TASP1: variants seen among roughly 807,000 people sequenced by gnomAD.
TASP1 encodes the protein taspase 1.
Under a neutral mutation model 56.6 loss-of-function variants are expected in TASP1, and 16 were observed. That is an observed-to-expected ratio of 0.28 (90% CI 0.19 to 0.43). The LOEUF is 0.43. Among genes scored for constraint, TASP1 ranks in the 20% least tolerant of loss-of-function variants. The probability of loss-of-function intolerance (pLI) is 1.00; values close to 1 mark genes in which losing one functional copy is unlikely to be tolerated. For missense variants in TASP1, 393 were observed against 511.6 expected (o/e 0.77, Z 2.24); for synonymous variants, 179 against 184.2 (o/e 0.97, Z 0.23).
the TASP1 span, among the ~76,000 whole-genome samples, chr20:13,169,944 A>C: frequency 1.3e-5 from 2 of 152,220 alleles, no homozygotes; most frequent in African/African-American, 2.4e-5. Flanking sequence ...CCTCATTAAA[A>C]GATAAGTCTT....
chr20:13,514,014 G>A lies in TASP1; in HGVS notation c.874+14419C>T, dbSNP rs1053865496. Among the ~76,000 whole-genome samples the A allele has an allele frequency of 3.0e-4, 45 of 152,202 alleles. 1 individual carries two copies. Among genetic ancestry groups the A allele is most frequent in the African/African-American group, 1.1e-3 (45 of 41,554 alleles). On this transcript the variant is annotated intron_variant, in intron 10 of 13. Coordinates refer to ENST00000337743, the MANE Select transcript of TASP1 (RefSeq NM_017714.3). ...TTGCATGAGAAGGAAAGCATAACAG[G>A]TAGAGCAGAGGCAAATCTAAATTTT...
At chr20:13,202,090 G>A in the TASP1 span, among the ~76,000 whole-genome samples, 2,769 of 152,150 alleles carry the variant, frequency 0.018, 77 homozygotes, top group African/African-American at 0.062. Flanking sequence ...CCCTCCATAC[G>A]CACTACCCAT....
At chr20:13,225,797 G>A in the TASP1 span, among the ~76,000 whole-genome samples, 1 of 152,024 alleles carries the variant, frequency 6.6e-6, no homozygotes, top group Non-Finnish European at 1.5e-5. Context: ...ATTAGAATAA[G>A]TTTGTCTCAT....
intron 10 of TASP1, among the ~76,000 whole-genome samples, chr20:13,505,350 T>C (rs2044092013): frequency 6.6e-6 from 1 of 152,140 alleles, no homozygotes; most frequent in African/African-American, 2.4e-5. Context: ...AATGGATAGA[T>C]TATGCAAATA....
chr20:13,208,867 T>A, the TASP1 span, among the ~76,000 whole-genome samples: 1 of 152,182 alleles, frequency 6.6e-6, no homozygotes, highest in Non-Finnish European at 1.5e-5. Flanking sequence ...ACTCATAGAC[T>A]TGTGAGAAAT....
At chr20:13,276,635 A>G in the TASP1 span, among the ~76,000 whole-genome samples, 1 of 152,042 alleles carries the variant, frequency 6.6e-6, no homozygotes, top group Non-Finnish European at 1.5e-5. Flanking sequence ...GTTAAGGATG[A>G]GAAAGGACGG....
chr20:13,403,120 T>C lies in TASP1; in HGVS notation c.1171-12668A>G, dbSNP rs2041799717. 2.0e-5 allele frequency among the ~76,000 whole-genome samples: 3 copies of C among 151,892 alleles called. No individual in the cohort carries two copies. In the East Asian group the frequency reaches 5.8e-4, roughly 29 times the overall value. ...TTGAATTGCAGGGTTCAGGGAGGAG[T>C]GTCTTTTCTTGTAGCTTCCAACAAT... On this transcript the variant is annotated intron_variant, in intron 13 of 13. Transcript: ENST00000337743.
chr20:13,584,515 C>T (rs900414712), intron 5 of TASP1, among the ~76,000 whole-genome samples: 21 of 131,726 alleles, frequency 1.6e-4, no homozygotes, highest in African/African-American at 6.2e-4. Flanking sequence ...ATAAGAGAAA[C>T]TAAAATTAAA....
chr20:13,119,451 C>T, the TASP1 span, among the ~76,000 whole-genome samples: 1 of 152,162 alleles, frequency 6.6e-6, no homozygotes, highest in African/African-American at 2.4e-5. Flanking sequence ...CGTTCTTGTC[C>T]ACACAATTTC....
chr20:13,399,295 CT>C (rs1186437040), intron 13 of TASP1, among the ~76,000 whole-genome samples: 6 of 152,206 alleles, frequency 3.9e-5, no homozygotes, highest in Non-Finnish European at 7.3e-5. Flanking sequence ...TGTTTATATG[CT>C]GAGATTCCCT....
At chr20:13,437,896 G>T (rs1374934590) in intron 11 of TASP1, among the ~76,000 whole-genome samples, 1 of 152,126 alleles carries the variant, frequency 6.6e-6, no homozygotes, top group Non-Finnish European at 1.5e-5. Flanking sequence ...CACGCTCATG[G>T]GTAGGAAGAA....
chr20:13,141,096 G>C, the TASP1 span, among the ~76,000 whole-genome samples: 6 of 152,180 alleles, frequency 3.9e-5, no homozygotes, highest in South Asian at 1.2e-3. Context: ...AGGGCATTGA[G>C]GGGGGAAAGA....
At chr20:13,253,862 C>CATATAT in the TASP1 span, among the ~76,000 whole-genome samples, 11 of 140,164 alleles carry the variant, frequency 7.8e-5, no homozygotes, top group African/African-American at 3.0e-4. Context: ...CATCCATATC[C>CATATAT]ATATATATAT....
At chr20:13,562,769 C>A (rs1460457958) in intron 7 of TASP1, among the ~76,000 whole-genome samples, 3 of 151,086 alleles carry the variant, frequency 2.0e-5, no homozygotes, top group Non-Finnish European at 3.0e-5. Context: ...CCCAGCTACT[C>A]CAGCAGCTGA....
intron 7 of TASP1, among the ~76,000 whole-genome samples, chr20:13,566,324 T>C (rs995214264): frequency 1.3e-5 from 2 of 152,144 alleles, no homozygotes; most frequent in African/African-American, 4.8e-5. Flanking sequence ...TGGTAAATTT[T>C]ATGTTATGTG....
rs1316037239 is a variant in TASP1, at chr20:13,623,102, TTTTTC to T, written c.282+339_282+343del. On this transcript the variant is annotated intron_variant, in intron 4 of 13. Coordinates refer to ENST00000337743, the MANE Select transcript of TASP1 (RefSeq NM_017714.3). ...TTTAGGCACTTCTAGACAGTTGGAA[TTTTTC>T]TTTTATTTTTAAACAACAGAATATA... is the stretch of plus-strand genomic sequence containing the variant. 3.9e-5 allele frequency among the ~76,000 whole-genome samples: 6 copies of T among 152,166 alleles called. No homozygotes were observed. The East Asian group carries it at 1.2e-3, about 29-fold the overall frequency.
At chr20:13,612,046 G>A (rs2048362751) in intron 4 of TASP1, among the ~76,000 whole-genome samples, 1 of 152,098 alleles carries the variant, frequency 6.6e-6, no homozygotes, top group Admixed American at 6.6e-5. Flanking sequence ...ATACAATACA[G>A]GTTTCAGGCA....
chr20:13,636,764 C>A (rs2049326442), intron 1 of TASP1, among the ~76,000 whole-genome samples: 1 of 152,078 alleles, frequency 6.6e-6, no homozygotes, highest in Non-Finnish European at 1.5e-5. Flanking sequence ...TTCTACCATT[C>A]AATGGAGGAA....
chr20:13,112,006 G>A, the TASP1 span, among the ~76,000 whole-genome samples: 1 of 152,208 alleles, frequency 6.6e-6, no homozygotes, highest in South Asian at 2.1e-4. Flanking sequence ...CCAGCTCCAA[G>A]CCAGAGTGGT....
Sources: allele counts gnomAD v4.1 joint callset (sites outside exome capture counted in the v4.1 genomes callset), GRCh38; gene constraint gnomAD v4.1.1; transcripts MANE v1.5; gene names NCBI Gene and HGNC (gene_info 2026-07-23, HGNC 2026-07-21).